CRISP3: variants seen among roughly 807,000 people sequenced by gnomAD.
CRISP3 encodes the protein cysteine rich secretory protein 3.
Under a neutral mutation model 36.1 loss-of-function variants are expected in CRISP3, and 33 were observed. That is an observed-to-expected ratio of 0.91 (90% CI 0.69 to 1.22). The LOEUF (loss-of-function observed/expected upper bound fraction) is 1.22, where lower values mean the gene tolerates loss of function less well. CRISP3 is among the 50% of genes most tolerant of loss of function. The pLI, the probability that CRISP3 is intolerant of heterozygous loss-of-function variation, is 0.00. For missense variants in CRISP3, 330 were observed against 301.2 expected, an observed-to-expected ratio of 1.10 and a Z score of -0.71; for synonymous variants, 117 against 104.6, an observed-to-expected ratio of 1.12 and a Z score of -0.72.
intron 1 of CRISP3, among the ~76,000 whole-genome samples, chr6:49,743,873 T>A (rs1769267703): frequency 6.6e-6 from 1 of 152,102 alleles, no homozygotes; most frequent in African/African-American, 2.4e-5. Context: ...AATCTTGAGA[T>A]CAGTGCTATA....
chr6:49,734,632 G>C (rs576946120), intron 4 of CRISP3, among the ~76,000 whole-genome samples: 8 of 152,224 alleles, frequency 5.3e-5, no homozygotes, highest in Middle Eastern at 3.4e-3. Context: ...TTTAACAATA[G>C]ATTGGGATTT....
intron 1 of CRISP3, 35 bp from the exon 2 acceptor site, chr6:49,737,433 A>C: frequency 6.2e-7 from 1 of 1,611,778 alleles, no homozygotes; most frequent in Non-Finnish European, 8.5e-7. Flanking sequence ...AGGGATCTGC[A>C]TTAAAATGAT....
At chr6:49,732,834 A>G (rs571038995) in intron 6 of CRISP3, among the ~76,000 whole-genome samples, 9 of 152,292 alleles carry the variant, frequency 5.9e-5, no homozygotes, top group African/African-American at 2.2e-4. Context: ...TTATCCCTGG[A>G]CTAATTATCA....
At chr6:49,741,634 T>C (rs976132230) in intron 1 of CRISP3, among the ~76,000 whole-genome samples, 1 of 137,058 alleles carries the variant, frequency 7.3e-6, no homozygotes, top group Non-Finnish European at 1.6e-5. Context: ...TTTTTTTTTT[T>C]AAAGAAAAAA....
chr6:49,733,806 C>G lies in CRISP3; in HGVS notation c.359G>C (p.Ser120Thr). 2 of 1,613,812 alleles carry G rather than the reference C, an allele frequency of 1.2e-6. No individual in the cohort carries two copies. The highest frequency in any genetic ancestry group is 1.7e-6 in the Non-Finnish European group (2 of 1,179,768). Residue 120 changes from serine (S) to threonine (T), a missense_variant, in exon 5 of 8, where the codon AGC becomes ACC. Transcript: ENST00000263045. ...GENLYMSSAS[S>T]SWSQAIQSWF... ...GCTTTGGATTGCTTGTGACCATGAG[C>G]TGGAGGCACTTGACATGTAGAGATT...
In CRISP3 at chr6:49,744,356, T is replaced by G. The variant is rs1186997761; in HGVS notation, c.12A>C (p.Ile4=). MKQ[I]LHPALETTAM... ...CAGTGGTTTCCAGAGCAGGATGAAG[T>G]ATTTGTTTCATCTATTGACAGAAGG... Residue 4 remains isoleucine (I), a synonymous_variant, in exon 1 of 8, where the codon ATA becomes ATC. Coordinates refer to ENST00000263045, the MANE Select transcript of CRISP3 (RefSeq NM_006061.4). The G allele has an allele frequency of 2.0e-6, 3 of 1,533,378 alleles. No individual in the cohort carries two copies. The highest frequency in any genetic ancestry group is 2.6e-6 in the Non-Finnish European group (3 of 1,145,042). The allele number at this position is 1,533,378 out of a possible 1,614,324, so 95.0% of individuals were successfully genotyped here.
At chr6:49,735,647 A>C in intron 3 of CRISP3, 56 bp from the exon 4 acceptor site, 1 of 1,313,362 alleles carries the variant, frequency 7.6e-7, no homozygotes, top group Non-Finnish European at 1.1e-6. Context: ...TCAAAGGAGC[A>C]TAAGCTTTAT....
intron 3 of CRISP3, among the ~76,000 whole-genome samples, chr6:49,735,976 T>C (rs941745971): frequency 9.2e-5 from 14 of 152,140 alleles, no homozygotes; most frequent in African/African-American, 1.7e-4. Flanking sequence ...TTTTTCTTTT[T>C]TTCCCCCTCA....
intron 1 of CRISP3, among the ~76,000 whole-genome samples, chr6:49,738,730 G>A (rs928264173): frequency 3.3e-5 from 5 of 151,758 alleles, no homozygotes; most frequent in African/African-American, 7.3e-5. Context: ...CCACCACCCC[G>A]CCCACTGTGA....
At chr6:49,740,607 G>GTGTGTT (rs1769174923) in intron 1 of CRISP3, among the ~76,000 whole-genome samples, 1 of 141,332 alleles carries the variant, frequency 7.1e-6, no homozygotes, top group East Asian at 2.1e-4. Context: ...GTGTGTGTGT[G>GTGTGTT]TGTGTGTTGT....
intron 6 of CRISP3, among the ~76,000 whole-genome samples, chr6:49,731,854 G>T (rs1193180159): frequency 6.6e-6 from 1 of 151,964 alleles, no homozygotes; most frequent in African/African-American, 2.4e-5. Context: ...GTCTACAGGT[G>T]GTGTGTATGA....
Position 49,736,407 on chromosome 6 carries a change from C to T in CRISP3, c.212G>A (p.Arg71Lys). 3 of 1,610,738 alleles carry T rather than the reference C, an allele frequency of 1.9e-6. No homozygotes were observed. The highest frequency in any genetic ancestry group is 1.7e-6 in the Non-Finnish European group (2 of 1,177,398). ...ELRRAVSPPARNMLKMEWNKE... is the reference protein window; with the variant it reads ...ELRRAVSPPAKNMLKMEWNKE... ...ACCTCTTACCATCTTCAGCATGTTT[C>T]TGGCAGGGGGAGATACTGCTCTCCT... Residue 71 changes from arginine to lysine, a missense_variant, in exon 3 of 8, where the codon AGA (arginine) becomes AAA (lysine). Arg to Lys is a conservative substitution (Grantham distance 26, BLOSUM62 2). Transcript: ENST00000263045.
At chr6:49,740,327 G>A (rs915427120) in intron 1 of CRISP3, among the ~76,000 whole-genome samples, 1 of 152,162 alleles carries the variant, frequency 6.6e-6, no homozygotes, top group Non-Finnish European at 1.5e-5. Flanking sequence ...TTGCAAATTA[G>A]GAAGTAGGAC....
At chr6:49,739,125 C>G (rs1769137241) in intron 1 of CRISP3, among the ~76,000 whole-genome samples, 1 of 152,162 alleles carries the variant, frequency 6.6e-6, no homozygotes, top group Non-Finnish European at 1.5e-5. Context: ...CCTGGCCCTG[C>G]TTCCACTTCT....
At chr6:49,734,786 G>A (rs1769002351) in intron 4 of CRISP3, among the ~76,000 whole-genome samples, 1 of 151,866 alleles carries the variant, frequency 6.6e-6, no homozygotes, top group African/African-American at 2.4e-5. Context: ...AATTTGGTTT[G>A]CCTTTACCTA....
At chr6:49,737,970 A>G in intron 1 of CRISP3, among the ~76,000 whole-genome samples, 1 of 152,190 alleles carries the variant, frequency 6.6e-6, no homozygotes, top group East Asian at 1.9e-4. Context: ...GCATACCTTT[A>G]AACTACTCTC....
intron 5 of CRISP3, 68 bp downstream of exon 5, chr6:49,733,635 A>C: frequency 1.3e-6 from 2 of 1,497,430 alleles, no homozygotes; most frequent in Non-Finnish European, 1.8e-6. Flanking sequence ...GGAATCAGTC[A>C]AAATTTGAAG....
At chr6:49,732,068 A>G (rs1231108403) in intron 6 of CRISP3, among the ~76,000 whole-genome samples, 1 of 152,222 alleles carries the variant, frequency 6.6e-6, no homozygotes, top group Non-Finnish European at 1.5e-5. Context: ...ATGTAGCTGA[A>G]TCTCAGCCTT....
intron 6 of CRISP3, among the ~76,000 whole-genome samples, chr6:49,732,129 T>C (rs1371620921): frequency 6.6e-6 from 1 of 152,176 alleles, no homozygotes; most frequent in Non-Finnish European, 1.5e-5. Context: ...AAATGTGAAA[T>C]AGATATCAAA....
Sources: allele counts gnomAD v4.1 joint callset (sites outside exome capture counted in the v4.1 genomes callset), GRCh38; gene constraint gnomAD v4.1.1; transcripts MANE v1.5; gene names NCBI Gene and HGNC (gene_info 2026-07-23, HGNC 2026-07-21).